The following PCDHB14 variants were observed in gnomAD, a reference collection of about 807,000 sequenced individuals.
PCDHB14 encodes protocadherin beta-14.
For missense variants in PCDHB14, 1,129 were observed against 1,000.5 expected, an observed-to-expected ratio of 1.13 and a Z score of -1.73; for synonymous variants, 511 against 441.5, an observed-to-expected ratio of 1.16 and a Z score of -1.97.
rs1277622350 is a variant in PCDHB14, at chr5:141,224,220, G to T, written c.715G>T (p.Ala239Ser). The change falls in exon 1 of 1, where the codon GCC becomes TCC. Residue 239 changes from alanine (A) to serine (S), a missense_variant. Transcript: ENST00000239449. ...CAAGGTGTTGGACATCAATGATAATGCCCCTGAGTTTCCTCAGAGTCTCTA... is the reference window on the plus strand; with the variant it reads ...CAAGGTGTTGGACATCAATGATAATTCCCCTGAGTTTCCTCAGAGTCTCTA... ...LIKVLDINDN[A>S]PEFPQSLYEV... 1 of 1,613,658 alleles carries T rather than the reference G, an allele frequency of 6.2e-7. No individual in the cohort carries two copies. Among genetic ancestry groups the T allele is most frequent in the Non-Finnish European group, 8.5e-7 (1 of 1,179,854 alleles).
chr5:141,224,004 C>T lies in PCDHB14; in HGVS notation c.499C>T (p.Leu167Phe). 6.2e-7 allele frequency: 1 copy of T among 1,613,480 alleles called. No individual in the cohort carries two copies. The highest frequency in any genetic ancestry group is 8.5e-7 in the Non-Finnish European group (1 of 1,179,762). ...AQDLDVGSNSLQNYTISPNSH... is the reference protein window; with the variant it reads ...AQDLDVGSNSFQNYTISPNSH... ...AGATTTGGATGTCGGAAGCAACAGT[C>T]TCCAAAACTACACAATTAGCCCCAA... The change falls in exon 1 of 1, where the codon CTC (leucine) becomes TTC (phenylalanine). Residue 167 changes from leucine (L) to phenylalanine (F), a missense_variant. Transcript: ENST00000239449.
In PCDHB14 at chr5:141,226,227, T is replaced by C. The variant is rs1030873256; in HGVS notation, c.*325T>C. On this transcript the variant is annotated 3_prime_UTR_variant, in exon 1 of 1. Transcript: ENST00000239449. ...AAAGTATTAAGAGCTAATGTCATTA[T>C]ATATGTAACTTAAATCTAGACACCA... 4.5e-6 allele frequency: 1 copy of C among 223,214 alleles called. No homozygotes were observed. Among genetic ancestry groups the C allele is most frequent in the East Asian group, 1.2e-4 (1 of 8,226 alleles). 13.8% of individuals were successfully genotyped at this position (223,214 alleles called of 1,614,324 possible).
In PCDHB14 at chr5:141,224,453, TATAA is replaced by T. The variant is rs1563999331; in HGVS notation, c.952_955del (p.Asn318PhefsTer16). ...ATTTTGAAGTAATACAGTCCTACAC[TATAA>T]ATATTCAGGCAACAGATGGTGGGGG... On this transcript the variant is annotated frameshift_variant, in exon 1 of 1. Coordinates refer to ENST00000239449, the MANE Select transcript of PCDHB14 (RefSeq NM_018934.4). LOFTEE classifies it low-confidence loss of function (END_TRUNC). 1.2e-6 allele frequency: 2 copies of T among 1,611,506 alleles called. No individual in the cohort carries two copies. The highest frequency in any genetic ancestry group is 1.7e-6 in the Non-Finnish European group (2 of 1,178,900).
rs1754838011 is a variant in PCDHB14, at chr5:141,225,561, C to G, written c.2056C>G (p.Leu686Val). 1 of 1,611,058 alleles carries G rather than the reference C, an allele frequency of 6.2e-7. No individual in the cohort carries two copies. The change falls in exon 1 of 1, where the codon CTC (leucine) becomes GTC (valine). Residue 686 changes from leucine to valine, a missense_variant. Coordinates refer to ENST00000239449, the MANE Select transcript of PCDHB14 (RefSeq NM_018934.4). ...AAPAQAQADS[L>V]TVYLVVALAS... Reference sequence around the variant, plus strand: ...CCCGGCCCAGGCCCAGGCCGACTCCCTCACCGTCTACCTGGTGGTGGCATT... The same window carrying G: ...CCCGGCCCAGGCCCAGGCCGACTCCGTCACCGTCTACCTGGTGGTGGCATT...
In PCDHB14 at chr5:141,225,157, T is replaced by C. The variant is rs782508241; in HGVS notation, c.1652T>C (p.Val551Ala). ...LSSEALVRVL[V>A]LDANDNSPFV... ...AGCGAGGCGCTGGTGCGCGTGCTGG[T>C]GCTGGACGCCAACGACAACTCGCCC... The change falls in exon 1 of 1, where the codon GTG becomes GCG. Residue 551 changes from valine (V) to alanine (A), a missense_variant. By Grantham distance (64) the Val-to-Ala change is moderately conservative (BLOSUM62 0). Transcript: ENST00000239449. The C allele has an allele frequency of 3.4e-5, 54 of 1,611,200 alleles. No individual in the cohort carries two copies. The highest frequency in any genetic ancestry group is 1.0e-4 in the Admixed American group (6 of 59,972).
Position 141,225,528 on chromosome 5 carries a change from G to T in PCDHB14, c.2023G>T (p.Glu675Ter). 1 of 1,609,644 alleles carries T rather than the reference G, an allele frequency of 6.2e-7. No individual in the cohort carries two copies. The highest frequency in any genetic ancestry group is 1.1e-5 in the South Asian group (1 of 91,020). Residue 675 changes from glutamate to a stop codon, truncating the protein, a stop_gained, in exon 1 of 1, where the codon GAG becomes TAG. Coordinates refer to ENST00000239449, the MANE Select transcript of PCDHB14 (RefSeq NM_018934.4). LOFTEE classifies it low-confidence loss of function (END_TRUNC). ...CTCCCAGCCCTACCTGCCGCTCCCT[G>T]AGGCGGCCCCGGCCCAGGCCCAGGC... ...GFSQPYLPLP[E>*]AAPAQAQADS...
chr5:141,223,550 A>G lies in PCDHB14; in HGVS notation c.45A>G (p.Leu15=). ...GALDLRKRQV[L]IFLVLLGLSR... ...TCGATCTGCGAAAAAGGCAAGTTCTAATATTCCTTGTTTTGCTGGGATTGT... is the reference window on the plus strand; with the variant it reads ...TCGATCTGCGAAAAAGGCAAGTTCTGATATTCCTTGTTTTGCTGGGATTGT... Residue 15 remains leucine, a synonymous_variant, in exon 1 of 1, where the codon CTA becomes CTG. Coordinates refer to ENST00000239449, the MANE Select transcript of PCDHB14 (RefSeq NM_018934.4). 1 of 1,614,046 alleles carries G rather than the reference A, an allele frequency of 6.2e-7. No individual in the cohort carries two copies. Among genetic ancestry groups the G allele is most frequent in the Non-Finnish European group, 8.5e-7 (1 of 1,179,968 alleles).
rs1554289039 is a variant in PCDHB14 at position 141,223,748 on chromosome 5, T to G, written c.243T>G (p.Thr81=). Residue 81 remains threonine (T), a synonymous_variant, in exon 1 of 1, where the codon ACT becomes ACG. Transcript: ENST00000239449. The part of the protein sequence containing the change: ...NKKYLHLDLL[T]GNLLLNEKLD... ...AGTATTTGCACCTTGATTTGCTGACTGGGAATTTGCTCCTAAATGAGAAAC... is the reference window on the plus strand; with the variant it reads ...AGTATTTGCACCTTGATTTGCTGACGGGGAATTTGCTCCTAAATGAGAAAC... 3.7e-6 allele frequency: 6 copies of G among 1,614,156 alleles called. No individual in the cohort carries two copies. In the Admixed American group the frequency reaches 8.3e-5, roughly 22 times the overall value.
Position 141,224,832 on chromosome 5 carries a change from G to T in PCDHB14, c.1327G>T (p.Asp443Tyr). ...TEYNITVLLS[D>Y]VNDNAPTFTQ... is the part of the protein sequence containing the mutation. ...GTACAACATAACCGTGCTGCTCTCTGACGTCAATGACAACGCCCCCACCTT... is the reference window on the plus strand; with the variant it reads ...GTACAACATAACCGTGCTGCTCTCTTACGTCAATGACAACGCCCCCACCTT... The change falls in exon 1 of 1, where the codon GAC becomes TAC. Residue 443 changes from aspartate (D) to tyrosine (Y), a missense_variant. Asp to Tyr is a radical substitution (Grantham distance 160). Transcript: ENST00000239449. The T allele has an allele frequency of 6.2e-7, 1 of 1,613,990 alleles. No individual in the cohort carries two copies. The highest frequency in any genetic ancestry group is 1.1e-5 in the South Asian group (1 of 91,078).
chr5:141,224,431 T>C lies in PCDHB14; in HGVS notation c.926T>C (p.Phe309Ser). The change falls in exon 1 of 1, where the codon TTT becomes TCT. Residue 309 changes from phenylalanine (F) to serine (S), a missense_variant. By Grantham distance (155) the Phe-to-Ser change is radical (BLOSUM62 -2). Coordinates refer to ENST00000239449, the MANE Select transcript of PCDHB14 (RefSeq NM_018934.4). ...GEVNLRSPLD[F>S]EVIQSYTINI... ...GTTAATTTGAGATCACCCCTGGATTTTGAAGTAATACAGTCCTACACTATA... is the reference window on the plus strand; with the variant it reads ...GTTAATTTGAGATCACCCCTGGATTCTGAAGTAATACAGTCCTACACTATA... 1 of 1,608,006 alleles carries C rather than the reference T, an allele frequency of 6.2e-7. No homozygotes were observed. Among genetic ancestry groups the C allele is most frequent in the East Asian group, 2.2e-5 (1 of 44,870 alleles).
Position 141,223,569 on chromosome 5 carries a change from G to A in PCDHB14, c.64G>A (p.Gly22Arg). The stretch of plus-strand genomic sequence containing the variant: ...AGTTCTAATATTCCTTGTTTTGCTG[G>A]GATTGTCTCGGGCAGGTACTGAATC... ...RQVLIFLVLL[G>R]LSRAGTESAH... The change falls in exon 1 of 1, where the codon GGA becomes AGA. Residue 22 changes from glycine to arginine, a missense_variant. Transcript: ENST00000239449. 3 of 1,614,140 alleles carry A rather than the reference G, an allele frequency of 1.9e-6. No individual in the cohort carries two copies. Among genetic ancestry groups the A allele is most frequent in the East Asian group, 2.2e-5 (1 of 44,884 alleles).
In PCDHB14 at chr5:141,227,296, GA is replaced by G. The variant is rs1204873401; in HGVS notation, c.*1397del. The G allele has an allele frequency of 6.6e-6, 1 of 152,184 alleles. No homozygotes were observed. Among genetic ancestry groups the G allele is most frequent in the African/African-American group, 2.4e-5 (1 of 41,442 alleles). The allele number at this position is 152,184 out of a possible 1,614,324, so 9.4% of individuals were successfully genotyped here. On this transcript the variant is annotated 3_prime_UTR_variant, in exon 1 of 1. Coordinates refer to ENST00000239449, the MANE Select transcript of PCDHB14 (RefSeq NM_018934.4). ...TGAAATGAAGATTCAAACTGTTAAA[GA>G]AATGATTTAGTTTCACTTTCCTATT...
In PCDHB14 at chr5:141,225,033, A is replaced by C; in HGVS notation, c.1528A>C (p.Asn510His). The C allele has an allele frequency of 6.2e-7, 1 of 1,612,610 alleles. No individual in the cohort carries two copies. The highest frequency in any genetic ancestry group is 8.5e-7 in the Non-Finnish European group (1 of 1,180,008). ...CTCCTTGGTCTCCATCAACGCGGACAATGGCCACCTGTTTGCCCTCAGGTC... is the reference window on the plus strand; with the variant it reads ...CTCCTTGGTCTCCATCAACGCGGACCATGGCCACCTGTTTGCCCTCAGGTC... ...LASLVSINAD[N>H]GHLFALRSLD... is the part of the protein sequence containing the mutation. Residue 510 changes from asparagine to histidine, a missense_variant, in exon 1 of 1, where the codon AAT becomes CAT. Transcript: ENST00000239449.
In PCDHB14 at chr5:141,224,183, T is replaced by C. The variant is rs781952058; in HGVS notation, c.678T>C (p.Thr226=). 6.2e-7 allele frequency: 1 copy of C among 1,614,030 alleles called. No individual in the cohort carries two copies. Among genetic ancestry groups the C allele is most frequent in the Non-Finnish European group, 8.5e-7 (1 of 1,180,016 alleles). ...GATCCCCGCCCAAGTCTGGGACAAC[T>C]TTGGTTCTCATCAAGGTGTTGGACA... is the stretch of plus-strand genomic sequence containing the variant. ...DGGSPPKSGT[T]LVLIKVLDIN... The change falls in exon 1 of 1, where the codon ACT becomes ACC. Residue 226 remains threonine (T), a synonymous_variant. Transcript: ENST00000239449.
rs782688770 is a variant in PCDHB14, at chr5:141,223,728, T to C, written c.223T>C (p.Leu75=). ...AGTGTCTGATGATAATAAAAAGTAT[T>C]TGCACCTTGATTTGCTGACTGGGAA... is the stretch of plus-strand genomic sequence containing the variant. The part of the protein sequence containing the change: ...RVVSDDNKKY[L]HLDLLTGNLL... Residue 75 remains leucine, a synonymous_variant, in exon 1 of 1, where the codon TTG becomes CTG. Transcript: ENST00000239449. 3.7e-6 allele frequency: 6 copies of C among 1,614,078 alleles called. No individual in the cohort carries two copies. The South Asian group carries it at 6.6e-5, about 18-fold the overall frequency.
rs782131633 is a variant in PCDHB14, at chr5:141,225,207, G to A, written c.1702G>A (p.Gly568Ser). The A allele has an allele frequency of 3.3e-5, 53 of 1,606,772 alleles. No homozygotes were observed. The highest frequency in any genetic ancestry group is 3.9e-5 in the Non-Finnish European group (46 of 1,179,026). ...SPFVLYPLQN[G>S]SAPCTELVPR... ...CTTCGTGCTGTACCCGCTGCAGAACGGCTCCGCGCCCTGCACCGAGCTGGT... is the reference window on the plus strand; with the variant it reads ...CTTCGTGCTGTACCCGCTGCAGAACAGCTCCGCGCCCTGCACCGAGCTGGT... The change falls in exon 1 of 1, where the codon GGC becomes AGC. Residue 568 changes from glycine to serine, a missense_variant. Transcript: ENST00000239449.
In PCDHB14 at chr5:141,223,487, G is replaced by T. The variant is rs782525198; in HGVS notation, c.-19G>T. On this transcript the variant is annotated 5_prime_UTR_variant, in exon 1 of 1. Transcript: ENST00000239449. ...CGGCTGAGCTTCAGTTTTTCCACAA[G>T]AGATTGCCTAAAGGAACCATGGAGA... The T allele has an allele frequency of 1.3e-6, 2 of 1,551,370 alleles. No homozygotes were observed. Among genetic ancestry groups the T allele is most frequent in the Middle Eastern group, 1.7e-4 (1 of 5,810 alleles).
rs1554289279 is a variant in PCDHB14 at position 141,224,914 on chromosome 5, T to A, written c.1409T>A (p.Ile470Asn). 6.2e-7 allele frequency: 1 copy of A among 1,612,918 alleles called. No homozygotes were observed. ...VRENNSPALH[I>N]GSVSATDRDS... The stretch of plus-strand genomic sequence containing the variant: ...GAGAACAACAGCCCCGCCCTGCACA[T>A]CGGCAGCGTCAGCGCCACAGACAGA... The change falls in exon 1 of 1, where the codon ATC (isoleucine) becomes AAC (asparagine). Residue 470 changes from isoleucine (I) to asparagine (N), a missense_variant. By Grantham distance (149) the Ile-to-Asn change is moderately radical (BLOSUM62 -3). Coordinates refer to ENST00000239449, the MANE Select transcript of PCDHB14 (RefSeq NM_018934.4).
chr5:141,226,046 C>A lies in PCDHB14; in HGVS notation c.*144C>A. Reference sequence around the variant, plus strand: ...TTTTTCTCACAGTTTCTTTAAAAATCTTTATTAGTGGCTATAATGACGTGG... The same window carrying A: ...TTTTTCTCACAGTTTCTTTAAAAATATTTATTAGTGGCTATAATGACGTGG... On this transcript the variant is annotated 3_prime_UTR_variant, in exon 1 of 1. Coordinates refer to ENST00000239449, the MANE Select transcript of PCDHB14 (RefSeq NM_018934.4). 2.6e-6 allele frequency: 2 copies of A among 763,008 alleles called. No homozygotes were observed. The highest frequency in any genetic ancestry group is 4.1e-6 in the Non-Finnish European group (2 of 482,968). 47.3% of individuals were successfully genotyped at this position (763,008 alleles called of 1,614,324 possible).
Sources: gnomAD v4.1 joint callset for allele counts on GRCh38, gnomAD v4.1.1 for gene constraint, MANE v1.5 for transcripts, NCBI Gene and HGNC (gene_info 2026-07-23, HGNC 2026-07-21) for gene names.